PHF13: variants seen among roughly 807,000 people sequenced by gnomAD.
PHF13 encodes the protein PHD zinc finger protein PHF5.
PHF13 carries 1 observed loss-of-function variant against 25.8 expected under a neutral mutation model. The ratio of observed to expected loss-of-function variants is 0.04; its 90% CI spans 0.01 to 0.18. The LOEUF (loss-of-function observed/expected upper bound fraction) is 0.18, where lower values mean the gene tolerates loss of function less well. Ranked by LOEUF, PHF13 falls within the 10% of genes least tolerant of loss-of-function variation. PHF13 has a pLI of 1.00. For missense variants in PHF13, 306 were observed against 403.2 expected, an observed-to-expected ratio of 0.76 and a Z score of 2.06; for synonymous variants, 195 against 162.4, an observed-to-expected ratio of 1.20 and a Z score of -1.53.
At chr1:6,620,965 G>A (rs1243970425) in intron 3 of PHF13, among the ~76,000 whole-genome samples, 3 of 151,664 alleles carry the variant, frequency 2.0e-5, no homozygotes, top group Non-Finnish European at 2.9e-5. Context: ...CCAGGAGGTG[G>A]AGGTTGCAGT....
chr1:6,613,834 C>T lies in PHF13; in HGVS notation c.-233C>T, dbSNP rs1279699929. The T allele has an allele frequency of 9.3e-6, 4 of 431,388 alleles. 1 individual carries two copies. The highest frequency in any genetic ancestry group is 1.3e-3 in the Middle Eastern group (2 of 1,580). 26.7% of individuals were successfully genotyped at this position (431,388 alleles called of 1,614,324 possible). A position where few individuals can be genotyped will look rare whatever the true frequency, so the allele number is the denominator to read the frequency against. ...CCGCCCCCTGCAGCCACTCTCCCGC[C>T]TCTACCGCCGCGGGAGCTGCATCGT... On this transcript the variant is annotated 5_prime_UTR_variant, in exon 1 of 4. Coordinates refer to ENST00000377648, the MANE Select transcript of PHF13 (RefSeq NM_153812.3).
Position 6,621,412 on chromosome 1 carries a change from T to C in PHF13, c.678T>C (p.Asp226=). 1.2e-6 allele frequency: 2 copies of C among 1,614,072 alleles called. No homozygotes were observed. Among genetic ancestry groups the C allele is most frequent in the Non-Finnish European group, 1.7e-6 (2 of 1,179,982 alleles). ...GNDEDIMVDS[D]DDSWDLVTCF... is the part of the protein sequence containing the mutation. ...CCTTGAGAGTATCTTTCCTTCCAGA[T>C]GACGATTCCTGGGACCTCGTGACCT... Residue 226 remains aspartate (D), a splice_region_variant and synonymous_variant, in exon 4 of 4, where the codon GAT becomes GAC. Coordinates refer to ENST00000377648, the MANE Select transcript of PHF13 (RefSeq NM_153812.3). This position sits in a 1 kb window ranked among gnomAD's most constrained non-coding sequence, Gnocchi z 4.8.
Position 6,621,990 on chromosome 1 carries a change from T to C in PHF13, c.*353T>C, listed in dbSNP as rs1228778802. 2 of 368,488 alleles carry C rather than the reference T, an allele frequency of 5.4e-6. No individual in the cohort carries two copies. Among genetic ancestry groups the C allele is most frequent in the Non-Finnish European group, 1.0e-5 (2 of 191,586 alleles). 22.8% of individuals were successfully genotyped at this position (368,488 alleles called of 1,614,324 possible). A position where few individuals can be genotyped will look rare whatever the true frequency, so the allele number is the denominator to read the frequency against. ...TGATTGGGCTCAGTGCCAGCTGTTA[T>C]TCTGCTTCCACTGTGTTGGGGAGAG... On this transcript the variant is annotated 3_prime_UTR_variant, in exon 4 of 4. Coordinates refer to ENST00000377648, the MANE Select transcript of PHF13 (RefSeq NM_153812.3). The surrounding 1 kb of genome is among the most constrained non-coding windows in gnomAD (Gnocchi z 4.8).
rs1019207569 is a variant in PHF13, at chr1:6,613,998, C to A, written c.-69C>A. The A allele has an allele frequency of 1.1e-5, 14 of 1,282,102 alleles. No individual in the cohort carries two copies. Among genetic ancestry groups the A allele is most frequent in the African/African-American group, 7.7e-5 (5 of 64,894 alleles). 79.4% of individuals were successfully genotyped at this position (1,282,102 alleles called of 1,614,324 possible). A position where few individuals can be genotyped will look rare whatever the true frequency, so the allele number is the denominator to read the frequency against. ...CTGCGCAGCCGCCCGAGCCCCCAGC[C>A]CCGGGCGGCCCCGCTCCAGCATCCC... On this transcript the variant is annotated 5_prime_UTR_variant, in exon 1 of 4. Transcript: ENST00000377648.
At chr1:6,618,007 T>C (rs762624727) in intron 2 of PHF13, among the ~76,000 whole-genome samples, 1 of 152,252 alleles carries the variant, frequency 6.6e-6, no homozygotes, top group Non-Finnish European at 1.5e-5. Flanking sequence ...CAGGGACTCA[T>C]GGCTGCAACT....
chr1:6,619,630 C>T (rs868057007), intron 2 of PHF13, among the ~76,000 whole-genome samples, 173 bp from the exon 3 acceptor site: 15 of 152,208 alleles, frequency 9.9e-5, no homozygotes, highest in Middle Eastern at 3.2e-3. Flanking sequence ...TGAGCCACCA[C>T]GCCCAGCCAG....
Position 6,613,871 on chromosome 1 carries a change from G to A in PHF13, c.-196G>A. 1 of 490,086 alleles carries A rather than the reference G, an allele frequency of 2.0e-6. No homozygotes were observed. The highest frequency in any genetic ancestry group is 4.4e-5 in the Admixed American group (1 of 22,504). The allele number at this position is 490,086 out of a possible 1,614,324, so 30.4% of individuals were successfully genotyped here. A position where few individuals can be genotyped will look rare whatever the true frequency, so the allele number is the denominator to read the frequency against. On this transcript the variant is annotated 5_prime_UTR_variant, in exon 1 of 4. Transcript: ENST00000377648. ...GGGAGCTGCATCGTCCACTCCGGTC[G>A]GCGGTGGAACCGCCAGTCCGGGGTC... is the stretch of plus-strand genomic sequence containing the variant.
chr1:6,620,432 G>A (rs1444929230), intron 3 of PHF13, 95 bp downstream of exon 3: 2 of 1,378,668 alleles, frequency 1.5e-6, no homozygotes, highest in Non-Finnish European at 2.0e-6. Flanking sequence ...CACAGGGTCT[G>A]GTGCCTTCCG....
At position 6,614,090 on chromosome 1, in the gene PHF13, C is replaced by G. The variant is rs148079460; in HGVS notation, c.24C>G (p.Ala8=). Residue 8 remains alanine, a synonymous_variant, in exon 1 of 4, where the codon GCC becomes GCG. Transcript: ENST00000377648. MDSDSCA[A]AFHPEEYSPS... is the part of the protein sequence containing the mutation. ...ACATGGACTCTGACTCTTGCGCCGC[C>G]GCCTTCCACCCGGAGGTGAGTGAAG... 6.2e-7 allele frequency: 1 copy of G among 1,600,774 alleles called. No individual in the cohort carries two copies. Among genetic ancestry groups the G allele is most frequent in the Non-Finnish European group, 8.5e-7 (1 of 1,175,060 alleles).
rs904327963 is a variant in PHF13, at chr1:6,614,122, G to T, written c.39+17G>T. On this transcript the variant is annotated intron_variant, in intron 1 of 3. Coordinates refer to ENST00000377648, the MANE Select transcript of PHF13 (RefSeq NM_153812.3). ...CACCCGGAGGTGAGTGAAGCTGTGC[G>T]TCCGAATCGCCCCCGACCACCCCCT... The T allele has an allele frequency of 1.9e-6, 3 of 1,595,796 alleles. No individual in the cohort carries two copies. Among genetic ancestry groups the T allele is most frequent in the Non-Finnish European group, 2.6e-6 (3 of 1,172,996 alleles).
Position 6,614,014 on chromosome 1 carries a change from C to A in PHF13, c.-53C>A. The A allele has an allele frequency of 6.8e-7, 1 of 1,471,494 alleles. No individual in the cohort carries two copies. The highest frequency in any genetic ancestry group is 9.3e-7 in the Non-Finnish European group (1 of 1,077,044). The allele number at this position is 1,471,494 out of a possible 1,614,324, so 91.2% of individuals were successfully genotyped here. A position where few individuals can be genotyped will look rare whatever the true frequency, so the allele number is the denominator to read the frequency against. ...GCCCCCAGCCCCGGGCGGCCCCGCT[C>A]CAGCATCCCAGCTCCTGCACTCTCG... is the stretch of plus-strand genomic sequence containing the variant. On this transcript the variant is annotated 5_prime_UTR_variant, in exon 1 of 4. Coordinates refer to ENST00000377648, the MANE Select transcript of PHF13 (RefSeq NM_153812.3).
In PHF13 at chr1:6,621,569, G is replaced by A; in HGVS notation, c.835G>A (p.Asp279Asn). ...AGTGTTTGTCTGCCAAAAGTGCCGG[G>A]ACTCCAAGTTTGACATCCGCCGTTC... is the stretch of plus-strand genomic sequence containing the variant. ...PEVFVCQKCR[D>N]SKFDIRRSNR... Residue 279 changes from aspartate (D) to asparagine (N), a missense_variant, in exon 4 of 4, where the codon GAC (aspartate) becomes AAC (asparagine). This residue lies in a region of PHF13 where 40 missense variants were observed against 71.6 expected (regional missense o/e 0.56). Transcript: ENST00000377648. The surrounding 1 kb of genome is among the most constrained non-coding windows in gnomAD (Gnocchi z 4.8). 1 of 1,614,204 alleles carries A rather than the reference G, an allele frequency of 6.2e-7. No individual in the cohort carries two copies. Among genetic ancestry groups the A allele is most frequent in the Non-Finnish European group, 8.5e-7 (1 of 1,180,038 alleles).
chr1:6,621,076 T>C lies in PHF13; in HGVS notation c.677-335T>C, dbSNP rs564126075. Among the ~76,000 whole-genome samples the C allele has an allele frequency of 2.0e-5, 3 of 149,568 alleles. No homozygotes were observed. In the East Asian group the frequency reaches 5.9e-4, roughly 29 times the overall value. On this transcript the variant is annotated intron_variant, in intron 3 of 3. Transcript: ENST00000377648. This position sits in a 1 kb window ranked among gnomAD's most constrained non-coding sequence, Gnocchi z 4.8. ...AGTCGAGTGTGGTGGTGTGTGCCTG[T>C]AGTCCCAGCTATTTGGGAGGCTGAG...
rs541464101 is a variant in PHF13, at chr1:6,623,405, C to G, written c.*1768C>G. On this transcript the variant is annotated 3_prime_UTR_variant, in exon 4 of 4. Transcript: ENST00000377648. ...AACTGACGAGGGCAAACAGCCAGGACGCATTGGAGAGGAATTTGCCAAAGA... is the reference window on the plus strand; with the variant it reads ...AACTGACGAGGGCAAACAGCCAGGAGGCATTGGAGAGGAATTTGCCAAAGA... 3.3e-5 allele frequency: 5 copies of G among 152,282 alleles called. No individual in the cohort carries two copies. 9.4% of individuals were successfully genotyped at this position (152,282 alleles called of 1,614,324 possible).
chr1:6,617,201 C>T lies in PHF13; in HGVS notation c.141+343C>T, dbSNP rs549435740. On this transcript the variant is annotated intron_variant, in intron 2 of 3. Transcript: ENST00000377648. ...CCCCGGGTTCAAGGGATTCTCCTGCCTCAACCTCCTCAGTAGTTGGGATGA... is the reference window on the plus strand; with the variant it reads ...CCCCGGGTTCAAGGGATTCTCCTGCTTCAACCTCCTCAGTAGTTGGGATGA... Among the ~76,000 whole-genome samples, 24 of 151,976 alleles carry T rather than the reference C, an allele frequency of 1.6e-4. 1 individual carries two copies. The South Asian group carries it at 3.1e-3, about 20-fold the overall frequency.
intron 1 of PHF13, chr1:6,614,426 G>T (rs570367647): frequency 2.3e-4 from 75 of 331,940 alleles, no homozygotes; most frequent in African/African-American, 1.5e-3. Flanking sequence ...GGCGCCCCCA[G>T]CCCCTCCCCG....
At chr1:6,619,308 C>A (rs546384493) in intron 2 of PHF13, among the ~76,000 whole-genome samples, 1 of 151,700 alleles carries the variant, frequency 6.6e-6, no homozygotes, top group African/African-American at 2.4e-5. Flanking sequence ...GGGAGTTTCT[C>A]TCTTCGTGGC....
chr1:6,614,453 T>G lies in PHF13; in HGVS notation c.39+348T>G. On this transcript the variant is annotated intron_variant, in intron 1 of 3. Coordinates refer to ENST00000377648, the MANE Select transcript of PHF13 (RefSeq NM_153812.3). ...CCCTCCCCGCCGGCCTGCTTACTCT[T>G]TCCCCGCCCCCGGGGACGCGGTCCG... is the stretch of plus-strand genomic sequence containing the variant. 5.0e-4 allele frequency: 108 copies of G among 216,312 alleles called. No homozygotes were observed. In the Middle Eastern group the frequency reaches 6.5e-3, roughly 13 times the overall value. The allele number at this position is 216,312 out of a possible 1,614,324, so 13.4% of individuals were successfully genotyped here. A position where few individuals can be genotyped will look rare whatever the true frequency, so the allele number is the denominator to read the frequency against.
intron 1 of PHF13, among the ~76,000 whole-genome samples, chr1:6,615,908 TGGAGGGGACCCTCTGAG>T (rs1274397157): frequency 1.3e-5 from 2 of 151,578 alleles, no homozygotes; most frequent in African/African-American, 4.9e-5. Flanking sequence ...GCTGGGACAG[TGGAGGGGACCCTCTGAG>T]CACGAGAGAG....
Sources: allele counts gnomAD v4.1 joint callset (sites outside exome capture counted in the v4.1 genomes callset), GRCh38; gene constraint gnomAD v4.1.1; regional missense constraint gnomAD v4.1.1; non-coding constraint Gnocchi (gnomAD v3.1); transcripts MANE v1.5; gene names NCBI Gene and HGNC (gene_info 2026-07-23, HGNC 2026-07-21).